The following R3HDM1 variants were observed in gnomAD, a reference collection of about 807,000 sequenced individuals.
R3HDM1 encodes the protein R3H domain containing 1, also known as R3H domain-containing protein 1.
In R3HDM1, 46 loss-of-function variants were observed where a neutral mutation model predicts 141.1. That is an observed-to-expected ratio of 0.33 (90% CI 0.26 to 0.42). The LOEUF is 0.42. R3HDM1 is among the 10% of genes least tolerant of loss of function. The pLI is 1.00. For synonymous variants in R3HDM1, 435 were observed against 472.9 expected (o/e 0.92, Z 1.04); for missense variants, 1,184 against 1,368.3 (o/e 0.87, Z 2.12).
chr2:135,687,489 T>C (rs564870218), intron 21 of R3HDM1, among the ~76,000 whole-genome samples: 3 of 152,234 alleles, frequency 2.0e-5, no homozygotes, highest in Non-Finnish European at 2.9e-5. Flanking sequence ...ATAGTTCACA[T>C]GTCTTTAGCA....
intron 16 of R3HDM1, among the ~76,000 whole-genome samples, chr2:135,648,650 C>A (rs924996017): frequency 6.6e-6 from 1 of 151,772 alleles, no homozygotes; most frequent in African/African-American, 2.4e-5. Context: ...TTGCTATAGT[C>A]TTTAAGCCAA....
At position 135,550,020 on chromosome 2, in the gene R3HDM1, G is replaced by A. The variant is rs1452395779; in HGVS notation, c.-250+18387G>A. Reference sequence around the variant, plus strand: ...TCAGTTCTACTTTTCATAGCTTTTGGAATGGCAGTTTATATTCATAAGACC... The same window carrying A: ...TCAGTTCTACTTTTCATAGCTTTTGAAATGGCAGTTTATATTCATAAGACC... On this transcript the variant is annotated intron_variant, in intron 1 of 26. Transcript: ENST00000683871. 9 of 976,254 alleles carry A rather than the reference G, an allele frequency of 9.2e-6. No homozygotes were observed. The East Asian group carries it at 9.1e-4, about 99-fold the overall frequency. The allele number at this position is 976,254 out of a possible 1,614,324, so 60.5% of individuals were successfully genotyped here.
At chr2:135,571,773 C>T (rs1462395186) in intron 1 of R3HDM1, among the ~76,000 whole-genome samples, 1 of 152,100 alleles carries the variant, frequency 6.6e-6, no homozygotes, top group Non-Finnish European at 1.5e-5. Flanking sequence ...ACTACAGGCA[C>T]ACTCTACCAT....
Position 135,616,164 on chromosome 2 carries a change from T to C in R3HDM1, c.184T>C (p.Ser62Pro). ...CTTGTATATTCAGCGGCCATTGCAG[T>C]CATTTGGACAGACAGGAAAAAGGTC... The part of the protein sequence containing the change: ...NNIDLQRPLQ[S>P]FGQTGKRSKS... The change falls in exon 4 of 27, where the codon TCA (serine) becomes CCA (proline). Residue 62 changes from serine to proline, a missense_variant. By Grantham distance (74) the Ser-to-Pro change is moderately conservative. Around this residue, in one of 5 missense-constraint regions of R3HDM1, gnomAD observed 192 missense variants for 215.7 expected, o/e 0.89. Transcript: ENST00000683871. 6.2e-7 allele frequency: 1 copy of C among 1,613,200 alleles called. No homozygotes were observed. Among genetic ancestry groups the C allele is most frequent in the Non-Finnish European group, 8.5e-7 (1 of 1,179,212 alleles).
chr2:135,645,502 C>A lies in R3HDM1; in HGVS notation c.1598C>A (p.Pro533Gln), dbSNP rs1305924582. 1 of 1,614,096 alleles carries A rather than the reference C, an allele frequency of 6.2e-7. No homozygotes were observed. The highest frequency in any genetic ancestry group is 1.3e-5 in the African/African-American group (1 of 75,040). The change falls in exon 16 of 27, where the codon CCA (proline) becomes CAA (glutamine). Residue 533 changes from proline (P) to glutamine (Q), a missense_variant. This residue lies in a region of R3HDM1 where 563 missense variants were observed against 562.0 expected (regional missense o/e 1.00). Transcript: ENST00000683871. The part of the protein sequence containing the change: ...QPPLPAPPQQ[P>Q]AANHIFSQPV... ...CCTCTGCCAGCCCCACCTCAACAAC[C>A]AGCAGCTAATCACATTTTCTCACAG... is the stretch of plus-strand genomic sequence containing the variant.
At chr2:135,707,922 C>T (rs2075146594) in intron 21 of R3HDM1, among the ~76,000 whole-genome samples, 1 of 152,130 alleles carries the variant, frequency 6.6e-6, no homozygotes, top group Admixed American at 6.6e-5. Context: ...TGAGTTACTG[C>T]CCCTAAAAAG....
chr2:135,549,321 G>C (rs1573664595), intron 1 of R3HDM1, among the ~76,000 whole-genome samples: 1 of 151,926 alleles, frequency 6.6e-6, no homozygotes, highest in South Asian at 2.1e-4. Flanking sequence ...TTGGGAGGCA[G>C]AGGCAGGTGG....
At position 135,724,062 on chromosome 2, in the gene R3HDM1, C is replaced by T; in HGVS notation, c.3175C>T (p.Gln1059Ter). ...KIRWLRDPQSQPRRHPLCCGS... is the reference protein window; with the variant it reads ...KIRWLRDPQS ...CCGGTGGCTCCGGGACCCCCAGTCC[C>T]AACCACGTCGTCACCCCCTCTGCTG... Residue 1059 changes from glutamine to a stop codon, truncating the protein, a stop_gained, in exon 27 of 27, where the codon CAA (glutamine) becomes TAA (stop). Coordinates refer to ENST00000683871, the MANE Select transcript of R3HDM1 (RefSeq NM_001378107.1). LOFTEE classifies it high-confidence loss of function. The T allele has an allele frequency of 6.2e-7, 1 of 1,614,074 alleles. No individual in the cohort carries two copies. Among genetic ancestry groups the T allele is most frequent in the Non-Finnish European group, 8.5e-7 (1 of 1,179,984 alleles).
chr2:135,646,716 G>T (rs937131086), intron 16 of R3HDM1, among the ~76,000 whole-genome samples: 2 of 151,458 alleles, frequency 1.3e-5, no homozygotes, highest in African/African-American at 4.9e-5. Context: ...GGGTGTGGTG[G>T]TATGCACCTA....
chr2:135,613,141 T>C (rs2060695024), intron 3 of R3HDM1, among the ~76,000 whole-genome samples: 1 of 152,232 alleles, frequency 6.6e-6, no homozygotes, highest in African/African-American at 2.4e-5. Context: ...GTTGTCCGCT[T>C]AGGGTTCTAT....
chr2:135,723,730 T>C lies in R3HDM1; in HGVS notation c.3050-207T>C, dbSNP rs188051471. On this transcript the variant is annotated intron_variant, in intron 26 of 26. Transcript: ENST00000683871. The stretch of plus-strand genomic sequence containing the variant: ...AGGTGGAGGTTGCAGTGAGCCGAGA[T>C]CACACCGCTGCACTCCAGCCTGGGA... Among the ~76,000 whole-genome samples, 593 of 119,656 alleles carry C rather than the reference T, an allele frequency of 5.0e-3. 8 individuals carry two copies. Among genetic ancestry groups the C allele is most frequent in the African/African-American group, 0.019 (560 of 29,638 alleles). 78.5% of individuals were successfully genotyped at this position (119,656 alleles called of 152,430 possible).
rs892641971 is a variant in R3HDM1, at chr2:135,622,680, A to G, written c.445A>G (p.Thr149Ala). ...TTCCAGTCAAGAATACACTGATTCA[A>G]CTGGCATAGATCTACATGAATTTTT... Reference protein sequence around the residue: ...RDSSQEYTDSTGIDLHEFLVN... With the variant: ...RDSSQEYTDSAGIDLHEFLVN... The change falls in exon 7 of 27, where the codon ACT becomes GCT. Residue 149 changes from threonine to alanine, a missense_variant. This residue lies in a region of R3HDM1 where 192 missense variants were observed against 215.7 expected (regional missense o/e 0.89). Coordinates refer to ENST00000683871, the MANE Select transcript of R3HDM1 (RefSeq NM_001378107.1). The G allele has an allele frequency of 1.9e-6, 3 of 1,602,524 alleles. No homozygotes were observed. Among genetic ancestry groups the G allele is most frequent in the Non-Finnish European group, 2.6e-6 (3 of 1,173,616 alleles).
chr2:135,603,887 G>A (rs1167286915), intron 2 of R3HDM1, among the ~76,000 whole-genome samples: 2 of 152,148 alleles, frequency 1.3e-5, no homozygotes, highest in Admixed American at 6.5e-5. Flanking sequence ...GATTACAGTC[G>A]TGACCCACCG....
intron 21 of R3HDM1, among the ~76,000 whole-genome samples, chr2:135,702,206 T>TCC (rs1230011119): frequency 1.5e-4 from 18 of 116,376 alleles, no homozygotes; most frequent in Middle Eastern, 6.2e-3. Context: ...AGCAAGACGT[T>TCC]GTCTCAGGGG....
intron 24 of R3HDM1, among the ~76,000 whole-genome samples, chr2:135,717,531 T>C (rs2076289796): frequency 1.3e-5 from 2 of 151,972 alleles, no homozygotes; most frequent in African/African-American, 4.8e-5. Flanking sequence ...GAGCTAAACA[T>C]TGATGAACAC....
rs1279355133 is a variant in R3HDM1 at position 135,724,095 on chromosome 2, G to C, written c.3208G>C (p.Gly1070Arg). The C allele has an allele frequency of 6.2e-7, 1 of 1,613,992 alleles. No individual in the cohort carries two copies. The highest frequency in any genetic ancestry group is 8.5e-7 in the Non-Finnish European group (1 of 1,180,040). The change falls in exon 27 of 27, where the codon GGG becomes CGG. Residue 1070 changes from glycine to arginine, a missense_variant. Gly to Arg is a moderately radical substitution (Grantham distance 125, BLOSUM62 -2). Coordinates refer to ENST00000683871, the MANE Select transcript of R3HDM1 (RefSeq NM_001378107.1). ...PRRHPLCCGS[G>R]DNTANPERSK... ...TCGTCACCCCCTCTGCTGTGGCAGT[G>C]GGGACAACACTGCCAACCCTGAACG...
rs534542553 is a variant in R3HDM1 at position 135,584,315 on chromosome 2, G to A, written c.-249-18185G>A. The A allele has an allele frequency of 1.5e-5, 13 of 840,632 alleles. No homozygotes were observed. The South Asian group carries it at 1.6e-4, about 11-fold the overall frequency. 52.1% of individuals were successfully genotyped at this position (840,632 alleles called of 1,614,324 possible). On this transcript the variant is annotated intron_variant, in intron 1 of 26. Transcript: ENST00000683871. ...TGCTCTCCAGCCTGGGTGACAGAAC[G>A]AGATTCCGTCTAAAATAAATAAATA...
At chr2:135,604,042 T>C (rs1356886130) in intron 2 of R3HDM1, among the ~76,000 whole-genome samples, 1 of 152,246 alleles carries the variant, frequency 6.6e-6, no homozygotes, top group Non-Finnish European at 1.5e-5. Context: ...TATTGGAATC[T>C]TATGTATTTG....
At chr2:135,631,567 A>G in intron 7 of R3HDM1, 151 bp from the exon 8 acceptor site, 1 of 534,680 alleles carries the variant, frequency 1.9e-6, no homozygotes, top group Non-Finnish European at 3.0e-6. Flanking sequence ...GTTTTAAAAC[A>G]TTAATAAATA....
Sources: allele counts gnomAD v4.1 joint callset (sites outside exome capture counted in the v4.1 genomes callset), GRCh38; gene constraint gnomAD v4.1.1; regional missense constraint gnomAD v4.1.1; transcripts MANE v1.5; gene names NCBI Gene and HGNC (gene_info 2026-07-23, HGNC 2026-07-21).